The following TRHDE variants were observed in gnomAD, a reference collection of about 807,000 sequenced individuals.
TRHDE encodes the protein thyrotropin-releasing hormone-degrading ectoenzyme.
A neutral mutation model predicts 125.7 loss-of-function variants in TRHDE; 72 were observed. The ratio of observed to expected loss-of-function variants is 0.57; its 90% CI spans 0.47 to 0.70. The LOEUF is 0.70. TRHDE is among the 30% of genes least tolerant of loss of function. The pLI is 0.00. For synonymous variants in TRHDE, 509 were observed against 509.1 expected (o/e 1.00, Z 0.00); for missense variants, 1,110 against 1,327.1 (o/e 0.84, Z 2.54).
upstream of TRHDE, among the ~76,000 whole-genome samples, chr12:72,268,205 T>C (rs550110731): frequency 1.3e-5 from 2 of 152,234 alleles, no homozygotes; most frequent in South Asian, 2.1e-4. Flanking sequence ...CAGAAACATA[T>C]CCCTCTCATA....
chr12:72,516,120 G>A (rs1286342415), intron 6 of TRHDE, among the ~76,000 whole-genome samples: 4 of 151,448 alleles, frequency 2.6e-5, no homozygotes, highest in African/African-American at 7.3e-5. Flanking sequence ...TTAACTTGGC[G>A]ATGCGGGCTC....
intron 2 of TRHDE, among the ~76,000 whole-genome samples, chr12:72,107,916 T>G (rs1236659134): frequency 6.6e-6 from 1 of 152,168 alleles, no homozygotes; most frequent in Non-Finnish European, 1.5e-5. Flanking sequence ...GACTGTATAC[T>G]TGCTTCCCTG....
rs1592518375 is a variant in TRHDE, at chr12:72,533,654, T to C, written c.1723-8637T>C. On this transcript the variant is annotated intron_variant, in intron 6 of 18. Coordinates refer to ENST00000261180, the MANE Select transcript of TRHDE (RefSeq NM_013381.3). Reference sequence around the variant, plus strand: ...TTTCTTTCTCGGAGCTTTGCTATTTTATTAGTTTTTTCATGGACTCTTTAT... The same window carrying C: ...TTTCTTTCTCGGAGCTTTGCTATTTCATTAGTTTTTTCATGGACTCTTTAT... Among the ~76,000 whole-genome samples the C allele has an allele frequency of 4.6e-5, 7 of 151,966 alleles. 1 individual carries two copies. The highest frequency in any genetic ancestry group is 3.9e-4 in the Admixed American group (6 of 15,272).
chr12:72,510,924 G>A (rs2135947698), intron 6 of TRHDE, among the ~76,000 whole-genome samples: 1 of 152,302 alleles, frequency 6.6e-6, no homozygotes, highest in South Asian at 2.1e-4. Flanking sequence ...AGAGGGCTAA[G>A]AGGTGACTTA....
intron 2 of TRHDE, among the ~76,000 whole-genome samples, chr12:72,232,365 G>A (rs997198871): frequency 2.0e-5 from 3 of 152,144 alleles, no homozygotes; most frequent in Non-Finnish European, 4.4e-5. Context: ...GGTAATCGGG[G>A]CAGAGGAATG....
At chr12:72,469,047 T>G (rs1404759414) in intron 3 of TRHDE, among the ~76,000 whole-genome samples, 1 of 152,206 alleles carries the variant, frequency 6.6e-6, no homozygotes, top group Non-Finnish European at 1.5e-5. Flanking sequence ...TCATAGATAT[T>G]TGGAGCTGGA....
At chr12:72,512,600 TATATA>T (rs1878653193) in intron 6 of TRHDE, among the ~76,000 whole-genome samples, 1 of 141,586 alleles carries the variant, frequency 7.1e-6, no homozygotes, top group African/African-American at 2.6e-5. Flanking sequence ...TATATAATCA[TATATA>T]TAATTATATA....
At chr12:72,307,575 G>A (rs1642464550) in intron 2 of TRHDE, among the ~76,000 whole-genome samples, 1 of 152,132 alleles carries the variant, frequency 6.6e-6, no homozygotes. Context: ...GTAGTGTGTG[G>A]AGTTGAGTGT....
chr12:72,644,108 T>TATTC (rs1396213293), intron 15 of TRHDE, among the ~76,000 whole-genome samples: 1 of 152,198 alleles, frequency 6.6e-6, no homozygotes, highest in Non-Finnish European at 1.5e-5. Flanking sequence ...TTTATGGGCA[T>TATTC]ATTCCCTTAG....
At chr12:72,297,972 A>T (rs1440981605) in intron 2 of TRHDE, among the ~76,000 whole-genome samples, 3 of 152,174 alleles carry the variant, frequency 2.0e-5, no homozygotes, top group Non-Finnish European at 4.4e-5. Context: ...TTCCATTGGG[A>T]TATTGATATA....
intron 5 of TRHDE, among the ~76,000 whole-genome samples, chr12:72,491,947 C>T (rs755125493): frequency 2.7e-4 from 41 of 151,828 alleles, no homozygotes; most frequent in Non-Finnish European, 4.1e-4. Flanking sequence ...GATCATGTAC[C>T]GCTTTCCATA....
At chr12:72,325,198 T>A (rs1869284765) in intron 2 of TRHDE, among the ~76,000 whole-genome samples, 1 of 152,158 alleles carries the variant, frequency 6.6e-6, no homozygotes, top group South Asian at 2.1e-4. Flanking sequence ...TTGTGTTATG[T>A]AGACATAACA....
intron 7 of TRHDE, among the ~76,000 whole-genome samples, chr12:72,561,664 T>C (rs1297406101): frequency 1.3e-5 from 2 of 152,240 alleles, no homozygotes; most frequent in Non-Finnish European, 2.9e-5. Context: ...ATTATTGTAA[T>C]AGGCAGCCTT....
chr12:72,658,830 G>A (rs1240867719), intron 18 of TRHDE, among the ~76,000 whole-genome samples: 1 of 152,118 alleles, frequency 6.6e-6, no homozygotes, highest in Admixed American at 6.5e-5. Flanking sequence ...TCTTCACTCT[G>A]GAGTTATTTA....
intron 6 of TRHDE, among the ~76,000 whole-genome samples, chr12:72,518,547 G>A (rs1479024981): frequency 2.0e-5 from 3 of 152,130 alleles, no homozygotes; most frequent in Admixed American, 1.3e-4. Flanking sequence ...GTCTCTGCAT[G>A]TGAGATGGGT....
At chr12:72,096,861 C>T (rs1193581572) in intron 1 of TRHDE, among the ~76,000 whole-genome samples, 3 of 152,200 alleles carry the variant, frequency 2.0e-5, no homozygotes, top group East Asian at 3.9e-4. Context: ...TCCTTTGTTG[C>T]TTTCAGGCTA....
intron 2 of TRHDE, among the ~76,000 whole-genome samples, chr12:72,111,348 C>T (rs1379113331): frequency 6.6e-6 from 1 of 152,104 alleles, no homozygotes; most frequent in Non-Finnish European, 1.5e-5. Context: ...TGTGTGTTAA[C>T]TGTTTCTACT....
chr12:72,409,619 T>G (rs184403253), intron 3 of TRHDE, among the ~76,000 whole-genome samples: 23 of 152,308 alleles, frequency 1.5e-4, no homozygotes, highest in Admixed American at 1.0e-3. Flanking sequence ...TGATCCTCTA[T>G]GGATGTAAAT....
At chr12:72,330,733 A>G (rs1869555327) in intron 2 of TRHDE, among the ~76,000 whole-genome samples, 1 of 152,214 alleles carries the variant, frequency 6.6e-6, no homozygotes, top group Non-Finnish European at 1.5e-5. Flanking sequence ...AGCGAAAATA[A>G]TATCCTATTA....
Sources: allele counts gnomAD v4.1 joint callset (sites outside exome capture counted in the v4.1 genomes callset), GRCh38; gene constraint gnomAD v4.1.1; transcripts MANE v1.5; gene names NCBI Gene and HGNC (gene_info 2026-07-23, HGNC 2026-07-21).